Variants in NIM1K observed in about 807,000 individuals in gnomAD.
NIM1K encodes the protein serine/threonine-protein kinase NIM1.
Under a neutral mutation model 37.1 loss-of-function variants are expected in NIM1K, and 35 were observed. The ratio of observed to expected loss-of-function variants is 0.94; its 90% confidence interval spans 0.72 to 1.25. NIM1K has a LOEUF of 1.25. Among genes scored for constraint, NIM1K ranks in the 50% most tolerant of loss-of-function variants. The pLI, the probability that NIM1K is intolerant of heterozygous loss-of-function variation, is 0.00. For missense variants in NIM1K, 564 were observed against 548.0 expected, an observed-to-expected ratio of 1.03 and a Z score of -0.29; for synonymous variants, 234 against 206.6, an observed-to-expected ratio of 1.13 and a Z score of -1.14.
intron 1 of NIM1K, chr5:43,193,456 C>G (rs1244500336): frequency 6.6e-6 from 1 of 150,830 alleles, no homozygotes; most frequent in Admixed American, 6.6e-5. Context: ...GTCTACCCCC[C>G]CTCCCCCACC....
In NIM1K at chr5:43,242,468, C is replaced by A. The variant is rs566760172; in HGVS notation, c.-694-2614C>A. ...AAGGGGCAGGGATGGGGGAGACTTGCATTTCGAAGCAGTTCTGTCACAGTT... is the reference window on the plus strand; with the variant it reads ...AAGGGGCAGGGATGGGGGAGACTTGAATTTCGAAGCAGTTCTGTCACAGTT... On this transcript the variant is annotated intron_variant, in intron 1 of 3. Coordinates refer to ENST00000326035, the MANE Select transcript of NIM1K (RefSeq NM_153361.4). Among the ~76,000 whole-genome samples the A allele has an allele frequency of 1.6e-4, 24 of 151,888 alleles. No homozygotes were observed. In the South Asian group the frequency reaches 4.8e-3, roughly 30 times the overall value.
At chr5:43,237,271 A>G (rs1752635946) in intron 1 of NIM1K, among the ~76,000 whole-genome samples, 1 of 152,258 alleles carries the variant, frequency 6.6e-6, no homozygotes, top group African/African-American at 2.4e-5. Flanking sequence ...ACAGTGGGTT[A>G]TAAGTCAAGA....
At chr5:43,197,338 C>A (rs1336230257) in intron 1 of NIM1K, among the ~76,000 whole-genome samples, 1 of 146,378 alleles carries the variant, frequency 6.8e-6, no homozygotes, top group Non-Finnish European at 1.5e-5. Context: ...GGGGGGCGGG[C>A]CTCTCTATGT....
At chr5:43,238,844 T>C (rs1487889973) in intron 1 of NIM1K, among the ~76,000 whole-genome samples, 2 of 151,180 alleles carry the variant, frequency 1.3e-5, no homozygotes, top group African/African-American at 4.9e-5. Context: ...GAGAAGAGAA[T>C]GAGGGATTCT....
intron 1 of NIM1K, among the ~76,000 whole-genome samples, chr5:43,224,775 C>T (rs534271685): frequency 7.3e-5 from 11 of 150,240 alleles, no homozygotes; most frequent in African/African-American, 2.0e-4. Flanking sequence ...CGGCTCACTG[C>T]AACCTCTGCC....
At chr5:43,258,322 T>C (rs527403005) in intron 2 of NIM1K, among the ~76,000 whole-genome samples, 1 of 152,364 alleles carries the variant, frequency 6.6e-6, no homozygotes, top group South Asian at 2.1e-4. Flanking sequence ...ATTGTATGAA[T>C]GTAGTACCAC....
chr5:43,261,310 T>G (rs1753026315), intron 2 of NIM1K, among the ~76,000 whole-genome samples: 1 of 152,162 alleles, frequency 6.6e-6, no homozygotes, highest in African/African-American at 2.4e-5. Flanking sequence ...ATAACTAGTA[T>G]GAGATGGTAT....
chr5:43,212,340 T>C (rs1357760565), intron 1 of NIM1K, among the ~76,000 whole-genome samples: 3 of 152,182 alleles, frequency 2.0e-5, no homozygotes, highest in Non-Finnish European at 4.4e-5. Context: ...CAGACAGGAA[T>C]GGTCCCAACC....
At chr5:43,230,985 C>T (rs1183951652) in intron 1 of NIM1K, among the ~76,000 whole-genome samples, 2 of 152,208 alleles carry the variant, frequency 1.3e-5, no homozygotes, top group African/African-American at 2.4e-5. Context: ...AGGCATGAGC[C>T]TCTGTATTTG....
At chr5:43,207,752 G>A in intron 1 of NIM1K, 2 of 465,196 alleles carry the variant, frequency 4.3e-6, no homozygotes, top group South Asian at 3.7e-5. Context: ...GATCGTCTGT[G>A]TCCCTTCATA....
intron 1 of NIM1K, among the ~76,000 whole-genome samples, chr5:43,195,793 C>A (rs886072044): frequency 5.3e-5 from 8 of 151,390 alleles, no homozygotes; most frequent in Non-Finnish European, 7.4e-5. Flanking sequence ...GCATGGATAG[C>A]GGGAAGAATT....
At chr5:43,206,945 C>T (rs1198401900) in intron 1 of NIM1K, 1 of 764,434 alleles carries the variant, frequency 1.3e-6, no homozygotes, top group Admixed American at 1.7e-5. Flanking sequence ...TGGTGATGCA[C>T]AAGGCAAAGA....
Position 43,280,672 on chromosome 5 carries a change from A to G in NIM1K, c.1254A>G (p.Lys418=), listed in dbSNP as rs1753429672. 3 of 1,613,460 alleles carry G rather than the reference A, an allele frequency of 1.9e-6. No individual in the cohort carries two copies. Among genetic ancestry groups the G allele is most frequent in the Non-Finnish European group, 2.5e-6 (3 of 1,179,906 alleles). The change falls in exon 4 of 4, where the codon AAA becomes AAG. Residue 418 remains lysine, a synonymous_variant. Coordinates refer to ENST00000326035, the MANE Select transcript of NIM1K (RefSeq NM_153361.4). ...LPDPKERDLK[K]GSRVYRGIRH... ...ACCCTAAAGAAAGAGACCTCAAAAAAGGGTCCCGTGTCTACAGAGGGATAA... is the reference window on the plus strand; with the variant it reads ...ACCCTAAAGAAAGAGACCTCAAAAAGGGGTCCCGTGTCTACAGAGGGATAA...
At chr5:43,279,130 C>A (rs1200748067) in intron 3 of NIM1K, among the ~76,000 whole-genome samples, 1 of 152,190 alleles carries the variant, frequency 6.6e-6, no homozygotes, top group Non-Finnish European at 1.5e-5. Flanking sequence ...TGTTTCATAG[C>A]CATAGATCCA....
intron 2 of NIM1K, among the ~76,000 whole-genome samples, chr5:43,273,360 T>G (rs1307073342): frequency 1.3e-5 from 2 of 151,986 alleles, no homozygotes; most frequent in East Asian, 3.9e-4. Context: ...GCTGCCACCA[T>G]GCCTGGCTAA....
chr5:43,272,796 G>GA (rs1427160035), intron 2 of NIM1K, among the ~76,000 whole-genome samples: 7 of 151,904 alleles, frequency 4.6e-5, no homozygotes, highest in South Asian at 2.1e-4. Context: ...GGCTTCTCTT[G>GA]AAAAAAAATC....
At chr5:43,274,716 C>T (rs1028274380) in intron 2 of NIM1K, among the ~76,000 whole-genome samples, 5 of 152,202 alleles carry the variant, frequency 3.3e-5, no homozygotes, top group African/African-American at 7.2e-5. Flanking sequence ...TTGCCTCCTG[C>T]GAGGGGCGGG....
intron 1 of NIM1K, among the ~76,000 whole-genome samples, chr5:43,206,236 ACCG>A (rs1752108427): frequency 6.6e-6 from 1 of 151,904 alleles, no homozygotes; most frequent in African/African-American, 2.4e-5. Flanking sequence ...AAAAGAAAAT[ACCG>A]CCGGGCGGGG....
chr5:43,259,134 C>A (rs1025091743), intron 2 of NIM1K, among the ~76,000 whole-genome samples: 1 of 152,118 alleles, frequency 6.6e-6, no homozygotes, highest in Non-Finnish European at 1.5e-5. Flanking sequence ...ATATACACCA[C>A]GTTTTCTTTA....
Sources: allele counts gnomAD v4.1 joint callset (sites outside exome capture counted in the v4.1 genomes callset), GRCh38; gene constraint gnomAD v4.1.1; transcripts MANE v1.5; gene names NCBI Gene and HGNC (gene_info 2026-07-23, HGNC 2026-07-21).